CBR3: variants seen among roughly 807,000 people sequenced by gnomAD.
CBR3 encodes the protein carbonyl reductase [NADPH] 3.
A neutral mutation model predicts 11.6 loss-of-function variants in CBR3; 14 were observed. The ratio of observed to expected loss-of-function variants is 1.20; its 90% CI spans 0.79 to 1.88. CBR3 has a LOEUF of 1.88. Ranked by LOEUF, CBR3 falls within the 40% of genes most tolerant of loss-of-function variation. The pLI is 0.00. For synonymous variants in CBR3, 125 were observed against 145.6 expected (o/e 0.86, Z 1.02); for missense variants, 308 against 357.3 (o/e 0.86, Z 1.11).
intron 2 of CBR3, among the ~76,000 whole-genome samples, chr21:36,143,579 C>T (rs1004443578): frequency 6.6e-6 from 1 of 151,814 alleles, no homozygotes; most frequent in Non-Finnish European, 1.5e-5. Context: ...CAAATAGGGA[C>T]TAAAAAGTAA....
In CBR3 at chr21:36,139,672, G is replaced by A. The variant is rs771586506; in HGVS notation, c.397+1740G>A. Reference sequence around the variant, plus strand: ...GCTGGGATTACAGGTGTGAGCTACTGCACCTGGCCAGAAGTGTGCTTTTCT... The same window carrying A: ...GCTGGGATTACAGGTGTGAGCTACTACACCTGGCCAGAAGTGTGCTTTTCT... On this transcript the variant is annotated intron_variant, in intron 2 of 2. Coordinates refer to ENST00000290354, the MANE Select transcript of CBR3 (RefSeq NM_001236.4). 4.5e-4 allele frequency among the ~76,000 whole-genome samples: 69 copies of A among 152,028 alleles called. 1 individual carries two copies. The highest frequency in any genetic ancestry group is 7.5e-4 in the Non-Finnish European group (51 of 68,026).
chr21:36,137,987 A>T, intron 2 of CBR3, 55 bp downstream of exon 2: 1 of 955,714 alleles, frequency 1.0e-6, no homozygotes, highest in South Asian at 1.3e-5. Context: ...AGTGGGCTAC[A>T]GGCTTCCCGG....
intron 1 of CBR3, 39 bp from the exon 2 acceptor site, chr21:36,137,786 A>G: frequency 8.2e-7 from 1 of 1,224,300 alleles, no homozygotes; most frequent in Non-Finnish European, 1.2e-6. Context: ...TCAGGGGGAA[A>G]AATATGACTT....
chr21:36,137,769 G>C (rs1298455431), intron 1 of CBR3, 56 bp from the exon 2 acceptor site: 8 of 983,102 alleles, frequency 8.1e-6, no homozygotes, highest in Non-Finnish European at 1.3e-5. Context: ...ACTTTGTCAT[G>C]TGAGTTTCAG....
intron 2 of CBR3, among the ~76,000 whole-genome samples, chr21:36,141,176 C>T (rs1344648356): frequency 1.3e-5 from 2 of 149,614 alleles, no homozygotes; most frequent in Non-Finnish European, 3.0e-5. Context: ...GTGGGAGGAT[C>T]GCTTGGGCCC....
At chr21:36,138,126 TAG>T (rs2065677189) in intron 2 of CBR3, among the ~76,000 whole-genome samples, 194 bp downstream of exon 2, 2 of 151,806 alleles carry the variant, frequency 1.3e-5, no homozygotes, top group African/African-American at 4.9e-5. Flanking sequence ...TAGTTTAGTT[TAG>T]TTTAGTTTTG....
In CBR3 at chr21:36,146,098, T is replaced by C; in HGVS notation, c.420T>C (p.Ser140=). ...KPHGRVVNIS[S]LQCLRAFENC... is the part of the protein sequence containing the mutation. ...CAGGGAGAGTGGTGAATATCAGTAG[T>C]TTGCAGTGTTTAAGGGCTTTTGAAA... Residue 140 remains serine (S), a synonymous_variant, in exon 3 of 3, where the codon AGT becomes AGC. Transcript: ENST00000290354. 6.2e-7 allele frequency: 1 copy of C among 1,612,676 alleles called. No individual in the cohort carries two copies. Among genetic ancestry groups the C allele is most frequent in the Non-Finnish European group, 8.5e-7 (1 of 1,178,824 alleles).
In CBR3 at chr21:36,137,460, A is replaced by G. The variant is rs1460325047; in HGVS notation, c.290-365A>G. 1.6e-5 allele frequency: 3 copies of G among 186,562 alleles called. No individual in the cohort carries two copies. The Admixed American group carries it at 1.7e-4, about 11-fold the overall frequency. The allele number at this position is 186,562 out of a possible 1,614,324, so 11.6% of individuals were successfully genotyped here. ...CACTGCACTCCAGCCTGGGTGACAG[A>G]GGAAGAAAAGAAAGAGAAAGAAAGA... is the stretch of plus-strand genomic sequence containing the variant. On this transcript the variant is annotated intron_variant, in intron 1 of 2. Coordinates refer to ENST00000290354, the MANE Select transcript of CBR3 (RefSeq NM_001236.4).
chr21:36,135,269 G>A lies in CBR3; in HGVS notation c.77G>A (p.Cys26Tyr), dbSNP rs1035354567. Reference sequence around the variant, plus strand: ...GGCTTGGCCATCGCGCGCGAACTGTGCCGACAGTTCTCTGGGGATGTGGTG... The same window carrying A: ...GGCTTGGCCATCGCGCGCGAACTGTACCGACAGTTCTCTGGGGATGTGGTG... ...GIGLAIAREL[C>Y]RQFSGDVVLT... Residue 26 changes from cysteine to tyrosine, a missense_variant, in exon 1 of 3, where the codon TGC becomes TAC. Physicochemically the swap from Cys to Tyr is radical, Grantham distance 194. Transcript: ENST00000290354. The A allele has an allele frequency of 4.4e-6, 7 of 1,602,970 alleles. No homozygotes were observed. The African/African-American group carries it at 9.4e-5, about 21-fold the overall frequency.
intron 2 of CBR3, among the ~76,000 whole-genome samples, chr21:36,140,067 C>T (rs1264224294): frequency 6.6e-6 from 1 of 151,366 alleles, no homozygotes; most frequent in Non-Finnish European, 1.5e-5. Context: ...TTTTGTATTT[C>T]TAGTAGAGAC....
chr21:36,143,222 TTAAACCC>T (rs2065727489), intron 2 of CBR3, among the ~76,000 whole-genome samples: 2 of 151,818 alleles, frequency 1.3e-5, no homozygotes, highest in South Asian at 4.2e-4. Context: ...GGAGAATCAC[TTAAACCC>T]GAGATAGAGG....
chr21:36,139,998 C>T (rs146811992), intron 2 of CBR3, among the ~76,000 whole-genome samples: 224 of 149,386 alleles, frequency 1.5e-3, no homozygotes, highest in Non-Finnish European at 2.7e-3. Flanking sequence ...AGAGATTCTC[C>T]GCCCCAGCCT....
intron 2 of CBR3, among the ~76,000 whole-genome samples, chr21:36,144,450 T>C (rs1453494249): frequency 6.7e-6 from 1 of 150,080 alleles, no homozygotes; most frequent in African/African-American, 2.5e-5. Context: ...AAAACAAGAC[T>C]GTCTCACAAA....
intron 2 of CBR3, among the ~76,000 whole-genome samples, chr21:36,142,241 G>A (rs977064518): frequency 6.6e-6 from 1 of 151,812 alleles, no homozygotes; most frequent in East Asian, 1.9e-4. Context: ...GACTATCCTC[G>A]CTAACACGGT....
In CBR3 at chr21:36,137,887, A is replaced by C. The variant is rs770219023; in HGVS notation, c.352A>C (p.Thr118Pro). 2 of 1,612,048 alleles carry C rather than the reference A, an allele frequency of 1.2e-6. No homozygotes were observed. The highest frequency in any genetic ancestry group is 8.5e-7 in the Non-Finnish European group (1 of 1,178,346). ...GACACTGAAGACAAATTTTTTTGCC[A>C]CTAGAAACATGTGCAACGAGTTACT... ...EMTLKTNFFA[T>P]RNMCNELLPI... Residue 118 changes from threonine (T) to proline (P), a missense_variant, in exon 2 of 3, where the codon ACT (threonine) becomes CCT (proline). Transcript: ENST00000290354.
rs1431131951 is a variant in CBR3 at position 36,135,353 on chromosome 21, G to T, written c.161G>T (p.Gly54Val). The T allele has an allele frequency of 2.5e-6, 4 of 1,612,618 alleles. No homozygotes were observed. The South Asian group carries it at 3.3e-5, about 13-fold the overall frequency. Residue 54 changes from glycine (G) to valine (V), a missense_variant, in exon 1 of 3, where the codon GGC becomes GTC. Coordinates refer to ENST00000290354, the MANE Select transcript of CBR3 (RefSeq NM_001236.4). Reference protein sequence around the residue: ...QAAVQQLQAEGLSPRFHQLDI... With the variant: ...QAAVQQLQAEVLSPRFHQLDI... The stretch of plus-strand genomic sequence containing the variant: ...GCCGTGCAGCAGCTGCAGGCGGAGG[G>T]CCTGAGCCCGCGCTTCCACCAACTG...
chr21:36,140,050 C>T (rs897130302), intron 2 of CBR3, among the ~76,000 whole-genome samples: 1 of 151,928 alleles, frequency 6.6e-6, no homozygotes, highest in African/African-American at 2.4e-5. Context: ...CCACGCCCAG[C>T]TAATTTTTTT....
At chr21:36,145,071 T>A (rs1198421712) in intron 2 of CBR3, 1 of 152,224 alleles carries the variant, frequency 6.6e-6, no homozygotes, top group African/African-American at 2.4e-5. Context: ...GCCACTGCAC[T>A]CCAGCCTGCG....
chr21:36,136,820 G>T (rs541219758), intron 1 of CBR3, among the ~76,000 whole-genome samples: 1 of 151,958 alleles, frequency 6.6e-6, no homozygotes, highest in Admixed American at 6.6e-5. Flanking sequence ...CTGAGGTCAG[G>T]AGTTCAAGAC....
Sources: allele counts gnomAD v4.1 joint callset (sites outside exome capture counted in the v4.1 genomes callset), GRCh38; gene constraint gnomAD v4.1.1; transcripts MANE v1.5; gene names NCBI Gene and HGNC (gene_info 2026-07-23, HGNC 2026-07-21).